Variants in FBXL17 observed in about 807,000 individuals in gnomAD.
FBXL17 encodes the protein F-box and leucine rich repeat protein 17, also known as F-box/LRR-repeat protein 17.
FBXL17 carries 22 observed loss-of-function variants against 66.2 expected under a neutral mutation model. The observed-to-expected ratio is 0.33, with a 90% CI of 0.24 to 0.47. The LOEUF (loss-of-function observed/expected upper bound fraction) is 0.47, where lower values mean the gene tolerates loss of function less well. FBXL17 is among the 20% of genes least tolerant of loss of function. FBXL17 has a pLI of 1.00. For synonymous variants in FBXL17, 474 were observed against 400.5 expected (o/e 1.18, Z -2.19); for missense variants, 878 against 948.2 (o/e 0.93, Z 0.97).
In FBXL17 at chr5:107,929,261, C is replaced by T. The variant is rs547226752; in HGVS notation, c.1823-48082G>A. On this transcript the variant is annotated intron_variant, in intron 7 of 8. Transcript: ENST00000542267. The stretch of plus-strand genomic sequence containing the variant: ...GGGATGGAGGATATGGAGCCAAGTG[C>T]TTTTGAAAGCCTAAATCTAATTATT... Among the ~76,000 whole-genome samples, 5 of 152,202 alleles carry T rather than the reference C, an allele frequency of 3.3e-5. No homozygotes were observed. In the South Asian group the frequency reaches 1.0e-3, roughly 32 times the overall value.
At chr5:108,296,685 AATGTCATTTC>A (rs1233558308) in intron 4 of FBXL17, among the ~76,000 whole-genome samples, 3 of 151,744 alleles carry the variant, frequency 2.0e-5, no homozygotes, top group Non-Finnish European at 4.4e-5. Context: ...GAAACCATGA[AATGTCATTTC>A]ATATTTATTT....
chr5:108,180,519 A>G (rs1466461154), intron 6 of FBXL17, among the ~76,000 whole-genome samples: 1 of 152,130 alleles, frequency 6.6e-6, no homozygotes, highest in Non-Finnish European at 1.5e-5. Flanking sequence ...AAAAAAAAAG[A>G]AAAGAGAAAT....
At chr5:108,339,870 T>C (rs939839653) in intron 4 of FBXL17, among the ~76,000 whole-genome samples, 1 of 152,172 alleles carries the variant, frequency 6.6e-6, no homozygotes, top group African/African-American at 2.4e-5. Context: ...CCATCTCCTA[T>C]CATCAGCTGA....
At chr5:108,374,866 G>C (rs1749311301) in intron 1 of FBXL17, among the ~76,000 whole-genome samples, 1 of 152,022 alleles carries the variant, frequency 6.6e-6, no homozygotes, top group Non-Finnish European at 1.5e-5. Flanking sequence ...AAATCTATGG[G>C]ATACAGAAAC....
Position 108,222,159 on chromosome 5 carries a change from A to G in FBXL17, c.1614+1962T>C, listed in dbSNP as rs1034836818. ...TGTTTTATCACAGAGAATAATTGTGATCTTTTAAGTACCAGTGTACCATAA... is the reference window on the plus strand; with the variant it reads ...TGTTTTATCACAGAGAATAATTGTGGTCTTTTAAGTACCAGTGTACCATAA... On this transcript the variant is annotated intron_variant, in intron 5 of 8. Coordinates refer to ENST00000542267, the MANE Select transcript of FBXL17 (RefSeq NM_001163315.3). 5.9e-5 allele frequency among the ~76,000 whole-genome samples: 9 copies of G among 152,190 alleles called. 1 individual carries two copies. Among genetic ancestry groups the G allele is most frequent in the African/African-American group, 9.6e-5 (4 of 41,456 alleles).
intron 5 of FBXL17, among the ~76,000 whole-genome samples, chr5:108,214,245 C>T (rs1754499068): frequency 6.6e-6 from 1 of 152,094 alleles, no homozygotes; most frequent in Non-Finnish European, 1.5e-5. Context: ...TGGTTTAAGG[C>T]ATCCACTGGG....
intron 6 of FBXL17, among the ~76,000 whole-genome samples, chr5:108,025,405 C>G (rs1754763123): frequency 6.6e-6 from 1 of 151,894 alleles, no homozygotes; most frequent in Admixed American, 6.6e-5. Context: ...ACAAATGCAA[C>G]AAGACAAAAA....
intron 7 of FBXL17, among the ~76,000 whole-genome samples, chr5:107,893,627 G>A (rs1749275497): frequency 6.6e-6 from 1 of 152,140 alleles, no homozygotes; most frequent in South Asian, 2.1e-4. Flanking sequence ...TGGGTTTGGG[G>A]ATAAATGCTG....
intron 7 of FBXL17, among the ~76,000 whole-genome samples, chr5:107,968,635 A>G (rs890630380): frequency 6.6e-6 from 1 of 152,194 alleles, no homozygotes; most frequent in Non-Finnish European, 1.5e-5. Flanking sequence ...TAACAAAATT[A>G]TTTTAATATA....
In FBXL17 at chr5:108,173,262, G is replaced by A. The variant is rs75096764; in HGVS notation, c.1745+12855C>T. The stretch of plus-strand genomic sequence containing the variant: ...TTTCCTATGAAAATAATCCCGGGAT[G>A]GGGGAGGGATAGCTTTAGGAGATAT... On this transcript the variant is annotated intron_variant, in intron 6 of 8. Transcript: ENST00000542267. Among the ~76,000 whole-genome samples, 2,876 of 152,242 alleles carry A rather than the reference G, an allele frequency of 0.019. 212 individuals carry two copies. In the East Asian group the frequency reaches 0.25, roughly 13 times the overall value.
At chr5:108,337,708 T>TTA (rs1554089989) in intron 4 of FBXL17, among the ~76,000 whole-genome samples, 1 of 142,314 alleles carries the variant, frequency 7.0e-6, no homozygotes, top group Non-Finnish European at 1.5e-5. Flanking sequence ...GTACAAAAAG[T>TTA]AAAAAAAAAA....
At chr5:107,936,979 A>T (rs1016555007) in intron 7 of FBXL17, among the ~76,000 whole-genome samples, 1 of 152,086 alleles carries the variant, frequency 6.6e-6, no homozygotes, top group Non-Finnish European at 1.5e-5. Flanking sequence ...AAAGAACAAA[A>T]ATTAGATTAA....
intron 4 of FBXL17, among the ~76,000 whole-genome samples, chr5:108,289,753 T>C (rs2150160228): frequency 1.3e-5 from 2 of 152,220 alleles, no homozygotes; most frequent in South Asian, 4.1e-4. Context: ...CAGTTTCCTA[T>C]GTAAAAATCT....
intron 6 of FBXL17, among the ~76,000 whole-genome samples, chr5:108,177,910 T>A (rs373348486): frequency 1.3e-5 from 1 of 74,750 alleles, no homozygotes; most frequent in Non-Finnish European, 3.3e-5. Flanking sequence ...GAAAAAAAAA[T>A]GTATATATAT....
At chr5:108,082,117 G>C (rs932230512) in intron 6 of FBXL17, among the ~76,000 whole-genome samples, 1 of 151,992 alleles carries the variant, frequency 6.6e-6, no homozygotes, top group Non-Finnish European at 1.5e-5. Flanking sequence ...ATGACCTTTG[G>C]AAAGTTACTC....
chr5:108,372,198 A>C (rs1221061879), intron 1 of FBXL17, among the ~76,000 whole-genome samples: 3 of 152,218 alleles, frequency 2.0e-5, no homozygotes, highest in Non-Finnish European at 2.9e-5. Context: ...AAATCCCTTG[A>C]ACCTCTACAA....
chr5:107,956,351 G>A (rs926104638), intron 7 of FBXL17, among the ~76,000 whole-genome samples: 1 of 152,070 alleles, frequency 6.6e-6, no homozygotes, highest in Non-Finnish European at 1.5e-5. Context: ...TATTTTGCAC[G>A]AGGTTTCAGA....
chr5:108,346,503 ATTTC>A (rs1294869535), intron 4 of FBXL17, among the ~76,000 whole-genome samples: 1 of 152,104 alleles, frequency 6.6e-6, no homozygotes, highest in Non-Finnish European at 1.5e-5. Context: ...CAATAAAACT[ATTTC>A]TTTATGTTTA....
intron 7 of FBXL17, among the ~76,000 whole-genome samples, chr5:107,973,870 T>A (rs559903205): frequency 6.6e-6 from 1 of 151,618 alleles, no homozygotes; most frequent in African/African-American, 2.4e-5. Context: ...TACACTTAAC[T>A]AATTGTGATA....
Sources: allele counts gnomAD v4.1 joint callset (sites outside exome capture counted in the v4.1 genomes callset), GRCh38; gene constraint gnomAD v4.1.1; transcripts MANE v1.5; gene names NCBI Gene and HGNC (gene_info 2026-07-23, HGNC 2026-07-21).